The following THRAP3 variants were observed in gnomAD, a reference collection of about 807,000 sequenced individuals.
THRAP3 encodes thyroid hormone receptor associated protein 3, also known as thyroid hormone receptor-associated protein 3.
In THRAP3, 16 loss-of-function variants were observed where a neutral mutation model predicts 101.0. That is an observed-to-expected ratio of 0.16 (90% CI 0.11 to 0.24). THRAP3 has a LOEUF of 0.24. Among genes scored for constraint, THRAP3 ranks in the 10% least tolerant of loss-of-function variants. The probability of loss-of-function intolerance (pLI) is 1.00; values close to 1 mark genes in which losing one functional copy is unlikely to be tolerated. For missense variants in THRAP3, 989 were observed against 1,202.7 expected (o/e 0.82, Z 2.63); for synonymous variants, 407 against 422.6 (o/e 0.96, Z 0.45).
At chr1:36,300,781 C>T in intron 9 of THRAP3, 105 bp from the exon 10 acceptor site, 1 of 1,137,704 alleles carries the variant, frequency 8.8e-7, no homozygotes. Context: ...CAGTTTCTTC[C>T]ATCACAGGCA....
the THRAP3 span, among the ~76,000 whole-genome samples, chr1:36,216,649 G>T: frequency 6.6e-6 from 1 of 151,976 alleles, no homozygotes; most frequent in African/African-American, 2.4e-5. Context: ...AGCTGAGCAT[G>T]GTGGTGCATG....
intron 6 of THRAP3, among the ~76,000 whole-genome samples, chr1:36,292,373 G>A (rs1645886854): frequency 7.1e-6 from 1 of 141,258 alleles, no homozygotes; most frequent in South Asian, 2.3e-4. Flanking sequence ...CTGGGTTCAC[G>A]ACATTCTTCT....
At chr1:36,303,404 G>A (rs1646054910) in intron 11 of THRAP3, among the ~76,000 whole-genome samples, 1 of 152,160 alleles carries the variant, frequency 6.6e-6, no homozygotes, top group African/African-American at 2.4e-5. Flanking sequence ...TAAGCTTTAA[G>A]CACGTTTGCA....
intron 1 of THRAP3, among the ~76,000 whole-genome samples, chr1:36,250,445 C>T (rs1261803559): frequency 6.6e-6 from 1 of 151,984 alleles, no homozygotes; most frequent in Non-Finnish European, 1.5e-5. Flanking sequence ...ATCTCCTGAC[C>T]TTGTGATCCG....
At chr1:36,283,111 A>G (rs2124585517) in intron 3 of THRAP3, among the ~76,000 whole-genome samples, 1 of 152,352 alleles carries the variant, frequency 6.6e-6, no homozygotes, top group South Asian at 2.1e-4. Flanking sequence ...AAGGAAAAGA[A>G]GCTTCAACTC....
upstream of THRAP3, among the ~76,000 whole-genome samples, chr1:36,223,789 G>A (rs1644923836): frequency 6.6e-6 from 1 of 152,130 alleles, no homozygotes; most frequent in East Asian, 1.9e-4. Flanking sequence ...AAGGCAGGCT[G>A]GGGAGAGGCG....
chr1:36,276,670 A>C (rs1350989765), intron 2 of THRAP3, among the ~76,000 whole-genome samples: 1 of 152,096 alleles, frequency 6.6e-6, no homozygotes, highest in Non-Finnish European at 1.5e-5. Flanking sequence ...CAGCCTGATC[A>C]ACATGGTGAA....
At chr1:36,280,014 G>T (rs1375261200) in intron 2 of THRAP3, among the ~76,000 whole-genome samples, 1 of 152,156 alleles carries the variant, frequency 6.6e-6, no homozygotes, top group East Asian at 1.9e-4. Flanking sequence ...GCTGGGCGGG[G>T]TGGCTCACGC....
chr1:36,238,188 A>G (rs1645113962), intron 1 of THRAP3, among the ~76,000 whole-genome samples: 1 of 152,014 alleles, frequency 6.6e-6, no homozygotes, highest in Non-Finnish European at 1.5e-5. Flanking sequence ...GGGTAGTCTT[A>G]AACTCCTGAC....
intron 2 of THRAP3, among the ~76,000 whole-genome samples, chr1:36,273,515 A>T (rs1645616298): frequency 6.6e-6 from 1 of 152,244 alleles, no homozygotes; most frequent in South Asian, 2.1e-4. Context: ...GATGAAGAAC[A>T]AGACCAAGAC....
chr1:36,302,353 T>C (rs1298096653), intron 11 of THRAP3, among the ~76,000 whole-genome samples: 1 of 152,228 alleles, frequency 6.6e-6, no homozygotes, highest in African/African-American at 2.4e-5. Flanking sequence ...GGATCTGTAT[T>C]GTCAGTTGGA....
Position 36,303,885 on chromosome 1 carries a change from G to A in THRAP3, c.2736G>A (p.Met912Ile), listed in dbSNP as rs376170127. ...TTCCTCGGGGTCGGGGCCGGTTCATGTTCCGGAAATCAAGTACCAGCCCCA... is the reference window on the plus strand; with the variant it reads ...TTCCTCGGGGTCGGGGCCGGTTCATATTCCGGAAATCAAGTACCAGCCCCA... The part of the protein sequence containing the change: ...GAFPRGRGRF[M>I]FRKSSTSPKW... The change falls in exon 12 of 12, where the codon ATG (methionine) becomes ATA (isoleucine). Residue 912 changes from methionine to isoleucine, a missense_variant. By Grantham distance (10) the Met-to-Ile change is conservative. Coordinates refer to ENST00000354618, the MANE Select transcript of THRAP3 (RefSeq NM_005119.4). The A allele has an allele frequency of 4.3e-5, 70 of 1,613,704 alleles. No homozygotes were observed. Among genetic ancestry groups the A allele is most frequent in the Non-Finnish European group, 5.7e-5 (67 of 1,179,908 alleles).
At chr1:36,284,962 A>G (rs763527758) in intron 3 of THRAP3, among the ~76,000 whole-genome samples, 2 of 152,222 alleles carry the variant, frequency 1.3e-5, no homozygotes, top group African/African-American at 2.4e-5. Flanking sequence ...TACAATAACA[A>G]CCAGCAGTAA....
intron 7 of THRAP3, among the ~76,000 whole-genome samples, chr1:36,292,970 T>C (rs1416239016): frequency 6.6e-6 from 1 of 151,594 alleles, no homozygotes; most frequent in East Asian, 1.9e-4. Context: ...CTGGCAAATG[T>C]TGCCTGAAAT....
chr1:36,286,018 G>A lies in THRAP3; in HGVS notation c.138-350G>A, dbSNP rs965984808. Among the ~76,000 whole-genome samples, 1 of 152,180 alleles carries A rather than the reference G, an allele frequency of 6.6e-6. No individual in the cohort carries two copies. Among genetic ancestry groups the A allele is most frequent in the Non-Finnish European group, 1.5e-5 (1 of 68,034 alleles). ...GAGCCCTGTTAAAATCCCCGTGCCT[G>A]TGAAACTGTAAGCTATTATTATGGT... On this transcript the variant is annotated intron_variant, in intron 3 of 11. Transcript: ENST00000354618. This position sits in a 1 kb window ranked among gnomAD's most constrained non-coding sequence, Gnocchi z 5.5.
chr1:36,250,247 T>C (rs1189191514), intron 1 of THRAP3, among the ~76,000 whole-genome samples: 1 of 150,906 alleles, frequency 6.6e-6, no homozygotes, highest in African/African-American at 2.4e-5. Flanking sequence ...AAAGATTTGC[T>C]CTGTCGCCCA....
At chr1:36,297,185 A>G (rs566774265) in intron 9 of THRAP3, among the ~76,000 whole-genome samples, 36 of 152,364 alleles carry the variant, frequency 2.4e-4, no homozygotes, top group African/African-American at 8.7e-4. Flanking sequence ...TAGATAGTAC[A>G]TGATTGTTGA....
At chr1:36,213,705 G>A in the THRAP3 span, among the ~76,000 whole-genome samples, 1 of 151,636 alleles carries the variant, frequency 6.6e-6, no homozygotes, top group South Asian at 2.1e-4. Context: ...AAATTAGCCG[G>A]GCATGGTGGC....
chr1:36,210,736 TC>T, the THRAP3 span, among the ~76,000 whole-genome samples: 28 of 86,894 alleles, frequency 3.2e-4, no homozygotes, highest in Non-Finnish European at 4.9e-4. Context: ...TATATATATA[TC>T]ATATATATAA....
Sources: allele counts gnomAD v4.1 joint callset (sites outside exome capture counted in the v4.1 genomes callset), GRCh38; gene constraint gnomAD v4.1.1; non-coding constraint Gnocchi (gnomAD v3.1); transcripts MANE v1.5; gene names NCBI Gene and HGNC (gene_info 2026-07-23, HGNC 2026-07-21).